The following GK variants were observed in gnomAD, a reference collection of about 807,000 sequenced individuals.
The protein encoded by GK is ATP:glycerol 3-phosphotransferase.
Under a neutral mutation model 56.4 loss-of-function variants are expected in GK, and 9 were observed. That is an observed-to-expected ratio of 0.16 (90% CI 0.10 to 0.28). The LOEUF is 0.28. GK is among the 10% of genes least tolerant of loss of function. The pLI is 1.00. For synonymous variants in GK, 104 were observed against 144.1 expected, an observed-to-expected ratio of 0.72 and a Z score of 1.99; for missense variants, 161 against 431.4, an observed-to-expected ratio of 0.37 and a Z score of 5.55.
At chrX:30,655,668 A>G (rs777588848) in intron 1 of GK, among the ~76,000 whole-genome samples, 39 of 112,507 alleles carry the variant, frequency 3.5e-4, no homozygotes, top group African/African-American at 1.3e-3. Context: ...GGCTTCCTTT[A>G]GGAGTCAGCT....
chrX:30,660,748 C>T (rs1932685489), intron 1 of GK, among the ~76,000 whole-genome samples: 1 of 108,481 alleles, frequency 9.2e-6, no homozygotes, highest in African/African-American at 3.4e-5. Flanking sequence ...CCAAGCATGA[C>T]GTTGTCAACT....
At chrX:30,668,833 G>A (rs745490143) in intron 3 of GK, among the ~76,000 whole-genome samples, 3 of 111,521 alleles carry the variant, frequency 2.7e-5, no homozygotes, top group Non-Finnish European at 5.6e-5. Flanking sequence ...GACACAGGGA[G>A]ACTAGTGCGG....
intron 11 of GK, among the ~76,000 whole-genome samples, chrX:30,705,605 A>G (rs1391601233): frequency 1.8e-5 from 2 of 112,655 alleles, no homozygotes; most frequent in Admixed American, 9.4e-5. Flanking sequence ...AAAGTGAGAC[A>G]TCTTTCTGCT....
chrX:30,724,073 A>G, intron 18 of GK, 28 bp from the exon 19 acceptor site: 1 of 903,475 alleles, frequency 1.1e-6, no homozygotes, highest in Non-Finnish European at 1.6e-6. Context: ...ACCTTTCGTT[A>G]TGTGTTTTTT....
intron 1 of GK, among the ~76,000 whole-genome samples, chrX:30,665,272 A>C (rs988944692): frequency 2.7e-5 from 3 of 111,957 alleles, no homozygotes; most frequent in African/African-American, 9.7e-5. Context: ...GGAGTAGGGA[A>C]TTGCTTCTTA....
chrX:30,704,577 CT>C (rs35183149), intron 11 of GK, among the ~76,000 whole-genome samples: 87 of 99,503 alleles, frequency 8.7e-4, no homozygotes, highest in East Asian at 9.4e-4. Flanking sequence ...CGTTTGGTGA[CT>C]TTTTTTTTTT....
chrX:30,696,570 A>T, intron 7 of GK, 47 bp from the exon 8 acceptor site: 1 of 850,317 alleles, frequency 1.2e-6, no homozygotes, highest in Non-Finnish European at 1.7e-6. Context: ...ATGTTTCTAG[A>T]TGTCTATTTA....
intron 9 of GK, among the ~76,000 whole-genome samples, chrX:30,699,552 T>C (rs950612174): frequency 1.9e-5 from 2 of 107,767 alleles, no homozygotes; most frequent in Admixed American, 2.0e-4. Context: ...TTTGTGGAGA[T>C]GGGGTTTCAC....
chrX:30,691,468 C>CTTTTTTTTTTTTTTTTTTTT (rs144523573), intron 5 of GK, among the ~76,000 whole-genome samples: 1 of 72,662 alleles, frequency 1.4e-5, no homozygotes, highest in Non-Finnish European at 2.6e-5. Context: ...CCAAGGGGTG[C>CTTTTTTTTTTTTTTTTTTTT]TTTTTTTTTT....
intron 4 of GK, among the ~76,000 whole-genome samples, chrX:30,684,844 T>A (rs1934505521): frequency 8.9e-6 from 1 of 111,801 alleles, no homozygotes; most frequent in East Asian, 2.8e-4. Context: ...TTTTCTAAGA[T>A]GTTATATTTA....
intron 10 of GK, 87 bp from the exon 11 acceptor site, chrX:30,700,751 A>G: frequency 1.7e-6 from 1 of 599,657 alleles, no homozygotes; most frequent in Non-Finnish European, 2.6e-6. Context: ...TTGATAAATA[A>G]AAAATGAAAA....
At chrX:30,675,908 G>A (rs1933866841) in intron 3 of GK, among the ~76,000 whole-genome samples, 1 of 111,008 alleles carries the variant, frequency 9.0e-6, no homozygotes. Flanking sequence ...TCCTGCCTCA[G>A]CCTCCTGAGT....
intron 2 of GK, 124 bp from the exon 3 acceptor site, chrX:30,667,883 ATTTGC>A (rs1933191847): frequency 2.1e-6 from 1 of 487,583 alleles, no homozygotes; most frequent in African/African-American, 2.4e-5. Flanking sequence ...GTGGAATGTA[ATTTGC>A]TTTGCTTAAT....
At chrX:30,712,218 G>A (rs1420368284) in intron 13 of GK, among the ~76,000 whole-genome samples, 1 of 111,724 alleles carries the variant, frequency 9.0e-6, no homozygotes, top group African/African-American at 3.3e-5. Context: ...GATGACATTC[G>A]AGTTGTTTTC....
At chrX:30,691,098 T>C in intron 4 of GK, 25 bp from the exon 5 acceptor site, 1 of 871,602 alleles carries the variant, frequency 1.1e-6, no homozygotes, top group South Asian at 2.1e-5. Context: ...GTTTTTCATG[T>C]ATATTATTTT....
intron 5 of GK, among the ~76,000 whole-genome samples, chrX:30,692,293 C>T (rs1359142475): frequency 9.0e-6 from 1 of 110,943 alleles, no homozygotes; most frequent in Admixed American, 9.6e-5. Flanking sequence ...TCCAGCTGCA[C>T]TCTGCTTCGA....
chrX:30,726,382 G>C (rs1328610602), intron 19 of GK, among the ~76,000 whole-genome samples: 1 of 108,030 alleles, frequency 9.3e-6, no homozygotes, highest in East Asian at 2.9e-4. Flanking sequence ...CCACCTCCCG[G>C]GTTCAAGCAA....
At position 30,665,904 on chromosome X, in the gene GK, TTGAG is replaced by T. The variant is rs777015239; in HGVS notation, c.152+323_152+326del. On this transcript the variant is annotated intron_variant, in intron 2 of 20. Transcript: ENST00000427190. The stretch of plus-strand genomic sequence containing the variant: ...ATTGCAAAAATGCTGCTTTGCTGAT[TTGAG>T]TGTCAGGTTTGTTTTATAATAAAGG... Among the ~76,000 whole-genome samples the T allele has an allele frequency of 4.4e-3, 497 of 112,231 alleles. 3 individuals carry two copies. Among genetic ancestry groups the T allele is most frequent in the African/African-American group, 0.015 (476 of 30,991 alleles).
At chrX:30,704,483 C>T (rs1169189058) in intron 11 of GK, among the ~76,000 whole-genome samples, 1 of 109,024 alleles carries the variant, frequency 9.2e-6, no homozygotes, top group African/African-American at 3.4e-5. Context: ...ATGAGGGAGG[C>T]ATGGTCAGTA....
Sources: gnomAD v4.1 joint callset for allele counts (sites outside exome capture counted in the v4.1 genomes callset) on GRCh38, gnomAD v4.1.1 for gene constraint, MANE v1.5 for transcripts, NCBI Gene and HGNC (gene_info 2026-07-23, HGNC 2026-07-21) for gene names.